Variants in CWF19L2 observed in about 807,000 individuals in gnomAD.
CWF19L2 encodes CWF19-like protein 2.
CWF19L2 carries 98 observed loss-of-function variants against 111.7 expected under a neutral mutation model. The observed-to-expected ratio is 0.88, with a 90% CI of 0.75 to 1.04. The LOEUF is 1.04. Among genes scored for constraint, CWF19L2 ranks in the 50% least tolerant of loss-of-function variants. The pLI, the probability that CWF19L2 is intolerant of heterozygous loss-of-function variation, is 0.00. For missense variants in CWF19L2, 1,101 were observed against 1,051.4 expected, an observed-to-expected ratio of 1.05 and a Z score of -0.65; for synonymous variants, 351 against 342.9, an observed-to-expected ratio of 1.02 and a Z score of -0.26.
intron 3 of CWF19L2, among the ~76,000 whole-genome samples, chr11:107,444,581 T>C (rs968521189): frequency 1.3e-5 from 2 of 152,242 alleles, no homozygotes; most frequent in African/African-American, 4.8e-5. Flanking sequence ...AAATCCATTC[T>C]GATCGCCTGA....
chr11:107,390,326 C>T lies in CWF19L2; in HGVS notation c.1735-115G>A, dbSNP rs185550014. 2.9e-5 allele frequency: 25 copies of T among 862,812 alleles called. No homozygotes were observed. In the African/African-American group the frequency reaches 3.3e-4, roughly 11 times the overall value. The allele number at this position is 862,812 out of a possible 1,614,324, so 53.4% of individuals were successfully genotyped here. A position where few individuals can be genotyped will look rare whatever the true frequency, so the allele number is the denominator to read the frequency against. On this transcript the variant is annotated intron_variant, in intron 11 of 17. Coordinates refer to ENST00000282251, the MANE Select transcript of CWF19L2 (RefSeq NM_152434.3). Reference sequence around the variant, plus strand: ...TAAAAATCCCACTATGTAATCACAACCTTTCCTTCCAGTTTATCCCTAGTC... The same window carrying T: ...TAAAAATCCCACTATGTAATCACAATCTTTCCTTCCAGTTTATCCCTAGTC...
chr11:107,396,062 A>G (rs909718717), intron 10 of CWF19L2, among the ~76,000 whole-genome samples: 1 of 152,154 alleles, frequency 6.6e-6, no homozygotes, highest in African/African-American at 2.4e-5. Context: ...AATACGTAAG[A>G]CCCCAAGTTG....
At chr11:107,426,785 A>C (rs1861384456) in intron 8 of CWF19L2, among the ~76,000 whole-genome samples, 1 of 151,602 alleles carries the variant, frequency 6.6e-6, no homozygotes. Flanking sequence ...TGTTTTTATA[A>C]AATTTTATAC....
chr11:107,403,312 A>T (rs567206379), intron 10 of CWF19L2: 24 of 470,036 alleles, frequency 5.1e-5, no homozygotes, highest in South Asian at 4.0e-4. Context: ...CTAAATTTTC[A>T]TTTACCCTAA....
chr11:107,432,507 G>C (rs982191308), intron 7 of CWF19L2, among the ~76,000 whole-genome samples: 2 of 152,050 alleles, frequency 1.3e-5, no homozygotes, highest in African/African-American at 4.8e-5. Flanking sequence ...CACTTGAACC[G>C]AGGAGGCAGA....
In CWF19L2 at chr11:107,341,689, T is replaced by A. The variant is rs533421199; in HGVS notation, c.2203-4976A>T. Among the ~76,000 whole-genome samples, 576 of 152,304 alleles carry A rather than the reference T, an allele frequency of 3.8e-3. 1 individual carries two copies. The highest frequency in any genetic ancestry group is 0.012 in the African/African-American group (518 of 41,586). ...TGGTGTCAATTCTTTAAAAGTTTCATAAAATTCTCCAATGAAACCATCTGG... is the reference window on the plus strand; with the variant it reads ...TGGTGTCAATTCTTTAAAAGTTTCAAAAAATTCTCCAATGAAACCATCTGG... On this transcript the variant is annotated intron_variant, in intron 14 of 17. Coordinates refer to ENST00000282251, the MANE Select transcript of CWF19L2 (RefSeq NM_152434.3).
intron 12 of CWF19L2, among the ~76,000 whole-genome samples, chr11:107,380,419 T>A (rs937198510): frequency 2.6e-5 from 4 of 152,174 alleles, no homozygotes. Context: ...TATGCTCAAC[T>A]GTCAACAATT....
intron 10 of CWF19L2, among the ~76,000 whole-genome samples, chr11:107,406,985 A>C (rs1002830989): frequency 6.6e-6 from 1 of 152,022 alleles, no homozygotes; most frequent in Non-Finnish European, 1.5e-5. Flanking sequence ...TTGAGTAGAC[A>C]AGACCATAAT....
chr11:107,436,479 C>G (rs1478141044), intron 6 of CWF19L2, among the ~76,000 whole-genome samples: 2 of 152,112 alleles, frequency 1.3e-5, no homozygotes. Flanking sequence ...GATAAACTAT[C>G]AGGAAACCTA....
intron 12 of CWF19L2, among the ~76,000 whole-genome samples, chr11:107,373,795 G>T (rs9667683): frequency 0.42 from 54,345 of 129,596 alleles, 16,850 homozygotes; most frequent in African/African-American, 0.63. Flanking sequence ...GCTGAGAGAA[G>T]AAGGCTTCAG....
rs1471876024 is a variant in CWF19L2, at chr11:107,442,965, C to T, written c.424G>A (p.Gly142Arg). 2 of 1,551,306 alleles carry T rather than the reference C, an allele frequency of 1.3e-6. No individual in the cohort carries two copies. The highest frequency in any genetic ancestry group is 2.0e-5 in the Admixed American group (1 of 50,998). ...KAWKVKDEKS[G>R]KDDTQIIKRD... is the part of the protein sequence containing the mutation. ...TTGATAATTTGGGTGTCATCTTTTC[C>T]TGACTTTTCATCTTTCACTTTCCAG... The change falls in exon 4 of 18, where the codon GGA (glycine) becomes AGA (arginine). Residue 142 changes from glycine to arginine, a missense_variant. Transcript: ENST00000282251.
At chr11:107,428,160 G>A (rs1338995315) in intron 8 of CWF19L2, among the ~76,000 whole-genome samples, 3 of 151,908 alleles carry the variant, frequency 2.0e-5, no homozygotes, top group African/African-American at 7.3e-5. Context: ...ATTTTCTTAG[G>A]TTTAGTCCCA....
At chr11:107,344,568 T>G (rs1385257428) in intron 14 of CWF19L2, among the ~76,000 whole-genome samples, 1 of 152,212 alleles carries the variant, frequency 6.6e-6, no homozygotes, top group African/African-American at 2.4e-5. Flanking sequence ...CTCCATGGTT[T>G]CTAGTGAGAA....
intron 16 of CWF19L2, among the ~76,000 whole-genome samples, chr11:107,333,510 T>C (rs1859879706): frequency 6.6e-6 from 1 of 152,158 alleles, no homozygotes; most frequent in Admixed American, 6.5e-5. Flanking sequence ...AATTATAACA[T>C]GAGAAGTGAA....
At position 107,432,683 on chromosome 11, in the gene CWF19L2, T is replaced by G. The variant is rs189458374; in HGVS notation, c.780+951A>C. ...TCACAACAGCATGAACTATAAGAACTAATCTTACTGTTGAAAATTATGTGA... is the reference window on the plus strand; with the variant it reads ...TCACAACAGCATGAACTATAAGAACGAATCTTACTGTTGAAAATTATGTGA... On this transcript the variant is annotated intron_variant, in intron 7 of 17. Coordinates refer to ENST00000282251, the MANE Select transcript of CWF19L2 (RefSeq NM_152434.3). Among the ~76,000 whole-genome samples, 25 of 152,342 alleles carry G rather than the reference T, an allele frequency of 1.6e-4. No individual in the cohort carries two copies. The East Asian group carries it at 4.8e-3, about 29-fold the overall frequency.
chr11:107,430,400 C>T (rs1861449068), intron 7 of CWF19L2, among the ~76,000 whole-genome samples: 1 of 151,912 alleles, frequency 6.6e-6, no homozygotes, highest in African/African-American at 2.4e-5. Context: ...AGCTATAATT[C>T]TATATAGAGA....
chr11:107,416,630 T>G (rs1292082644), intron 9 of CWF19L2, among the ~76,000 whole-genome samples: 1 of 152,238 alleles, frequency 6.6e-6, no homozygotes, highest in African/African-American at 2.4e-5. Context: ...ACTTCGGTTA[T>G]TGGTAACAAA....
intron 12 of CWF19L2, among the ~76,000 whole-genome samples, chr11:107,380,117 G>A (rs1442382766): frequency 6.9e-6 from 1 of 144,198 alleles, no homozygotes. Context: ...AAAACTAGAG[G>A]CTTATTTTAG....
intron 14 of CWF19L2, among the ~76,000 whole-genome samples, chr11:107,344,324 T>G (rs1860047376): frequency 1.3e-5 from 2 of 152,230 alleles, no homozygotes; most frequent in African/African-American, 2.4e-5. Context: ...ACTTCTTTCC[T>G]CCTTCCTGAT....
Sources: allele counts gnomAD v4.1 joint callset (sites outside exome capture counted in the v4.1 genomes callset), GRCh38; gene constraint gnomAD v4.1.1; transcripts MANE v1.5; gene names NCBI Gene and HGNC (gene_info 2026-07-23, HGNC 2026-07-21).